Variants in MGAT4D observed in about 807,000 individuals in gnomAD.
MGAT4D encodes the protein alpha-1,3-mannosyl-glycoprotein 4-beta-N-acetylglucosaminyltransferase-like protein MGAT4D.
MGAT4D carries 34 observed loss-of-function variants against 15.9 expected under a neutral mutation model. That is an observed-to-expected ratio of 2.14 (90% CI 1.62 to 2.84). The LOEUF is 2.84. Ranked by LOEUF, MGAT4D falls within the 30% of genes most tolerant of loss-of-function variation. The pLI is 0.00. For synonymous variants in MGAT4D, 112 were observed against 48.2 expected (o/e 2.33, Z -5.49); for missense variants, 327 against 140.2 (o/e 2.33, Z -6.73).
intron 1 of MGAT4D, among the ~76,000 whole-genome samples, chr4:140,493,631 T>C (rs1266842082): frequency 1.3e-5 from 2 of 152,132 alleles, no homozygotes; most frequent in African/African-American, 2.4e-5. Flanking sequence ...TTTATCATAC[T>C]TATGGATGTC....
intron 9 of MGAT4D, among the ~76,000 whole-genome samples, chr4:140,453,164 G>A (rs1201768422): frequency 1.3e-5 from 2 of 152,088 alleles, no homozygotes; most frequent in African/African-American, 4.8e-5. Flanking sequence ...TTTGTAGTAA[G>A]CTTTCAGATT....
chr4:140,458,023 T>C (rs1730919077), intron 8 of MGAT4D: 1 of 152,118 alleles, frequency 6.6e-6, no homozygotes, highest in African/African-American at 2.4e-5. Flanking sequence ...CATATAATAA[T>C]AGATAAAACC....
chr4:140,472,377 G>A lies in MGAT4D; in HGVS notation c.526-556C>T, dbSNP rs184589144. Among the ~76,000 whole-genome samples the A allele has an allele frequency of 5.0e-3, 762 of 152,164 alleles. 4 individuals carry two copies. Among genetic ancestry groups the A allele is most frequent in the Non-Finnish European group, 8.3e-3 (561 of 67,988 alleles). ...AGACTCCTGCAAAAAGCTTTTGATG[G>A]TTTACCCTCTTGGGATAATTTTTAA... On this transcript the variant is annotated intron_variant, in intron 4 of 10. Transcript: ENST00000511113.
chr4:140,476,121 C>T (rs1252997016), intron 3 of MGAT4D, among the ~76,000 whole-genome samples: 1 of 152,074 alleles, frequency 6.6e-6, no homozygotes, highest in African/African-American at 2.4e-5. Flanking sequence ...CACTTATTGG[C>T]TTTTGGCTAT....
chr4:140,463,865 T>A (rs1731355919), intron 6 of MGAT4D, among the ~76,000 whole-genome samples: 1 of 152,080 alleles, frequency 6.6e-6, no homozygotes, highest in Admixed American at 6.5e-5. Flanking sequence ...CTTGATCTCA[T>A]ATGAGAAAAT....
intron 4 of MGAT4D, among the ~76,000 whole-genome samples, chr4:140,473,128 T>G (rs752516411): frequency 1.6e-4 from 24 of 152,126 alleles, no homozygotes; most frequent in Admixed American, 6.5e-5. Flanking sequence ...TTCATTTGTT[T>G]CTATATATTT....
intron 5 of MGAT4D, among the ~76,000 whole-genome samples, chr4:140,470,853 G>A (rs763227740): frequency 6.6e-6 from 1 of 151,410 alleles, no homozygotes; most frequent in South Asian, 2.1e-4. Context: ...TCACCACTAG[G>A]ACAATGCTAG....
At chr4:140,460,441 C>T (rs1192455955) in intron 7 of MGAT4D, among the ~76,000 whole-genome samples, 1 of 152,172 alleles carries the variant, frequency 6.6e-6, no homozygotes, top group Non-Finnish European at 1.5e-5. Flanking sequence ...TATAAGGGCA[C>T]GAATCCCATT....
intron 1 of MGAT4D, among the ~76,000 whole-genome samples, chr4:140,483,688 T>C (rs1732896322): frequency 6.6e-6 from 1 of 152,134 alleles, no homozygotes; most frequent in Non-Finnish European, 1.5e-5. Flanking sequence ...TGGAACAAAA[T>C]AGGGAACCCA....
intron 5 of MGAT4D, 31 bp from the exon 6 acceptor site, chr4:140,465,040 T>C (rs1159273885): frequency 7.4e-6 from 5 of 676,196 alleles, no homozygotes; most frequent in East Asian, 2.7e-5. Context: ...AGACTTATAA[T>C]TGAATATTTA....
At position 140,493,585 on chromosome 4, in the gene MGAT4D, G is replaced by A. The variant is rs554637960; in HGVS notation, c.94+4544C>T. 1.8e-4 allele frequency among the ~76,000 whole-genome samples: 28 copies of A among 152,168 alleles called. No individual in the cohort carries two copies. In the South Asian group the frequency reaches 5.2e-3, roughly 28 times the overall value. ...GCTGAGATTACAGGCATGAGCCACC[G>A]TGCCTGGCCTGTTCCTTTATTTTTT... On this transcript the variant is annotated intron_variant, in intron 1 of 10. Transcript: ENST00000511113.
intron 4 of MGAT4D, among the ~76,000 whole-genome samples, chr4:140,472,712 A>G (rs1254406248): frequency 1.3e-5 from 2 of 152,192 alleles, no homozygotes; most frequent in African/African-American, 2.4e-5. Flanking sequence ...CCATTTAAAA[A>G]TCTTCCTCCA....
At chr4:140,448,364 C>A (rs1008396388) in intron 10 of MGAT4D, among the ~76,000 whole-genome samples, 1 of 152,150 alleles carries the variant, frequency 6.6e-6, no homozygotes, top group Non-Finnish European at 1.5e-5. Context: ...GGCCTGTGTA[C>A]ATAATCTCAT....
intron 3 of MGAT4D, among the ~76,000 whole-genome samples, chr4:140,475,807 CTTTT>C (rs10711919): frequency 1.7e-3 from 182 of 105,404 alleles, no homozygotes; most frequent in African/African-American, 6.1e-3. Flanking sequence ...TATTGGCTTT[CTTTT>C]TTTTTTTTTT....
At chr4:140,449,514 CT>C (rs1392180329) in intron 10 of MGAT4D, among the ~76,000 whole-genome samples, 1 of 152,138 alleles carries the variant, frequency 6.6e-6, no homozygotes, top group Non-Finnish European at 1.5e-5. Flanking sequence ...AATCCCAGTG[CT>C]TTGGGAGGCT....
rs746059849 is a variant in MGAT4D, at chr4:140,459,628, T to TG, written c.763-3dup. The TG allele has an allele frequency of 4.0e-5, 18 of 448,236 alleles. No individual in the cohort carries two copies. Among genetic ancestry groups the TG allele is most frequent in the Non-Finnish European group, 5.9e-5 (15 of 252,182 alleles). 27.8% of individuals were successfully genotyped at this position (448,236 alleles called of 1,614,324 possible). A position where few individuals can be genotyped will look rare whatever the true frequency, so the allele number is the denominator to read the frequency against. On this transcript the variant is annotated splice_region_variant and splice_polypyrimidine_tract_variant and intron_variant, in intron 7 of 10. Coordinates refer to ENST00000511113, the MANE Select transcript of MGAT4D (RefSeq NM_001277353.2). ...TTTAGCTATGATATCATCTTCTAGC[T>TG]GAAAAAAAAAACCCAAAAAGACATT...
At chr4:140,444,944 C>A (rs570271208) in intron 10 of MGAT4D, among the ~76,000 whole-genome samples, 1 of 151,190 alleles carries the variant, frequency 6.6e-6, no homozygotes, top group Non-Finnish European at 1.5e-5. Context: ...TGCAATGGTG[C>A]GATCTTGGCC....
chr4:140,444,376 TC>T (rs1175853319), intron 10 of MGAT4D, among the ~76,000 whole-genome samples: 1 of 152,134 alleles, frequency 6.6e-6, no homozygotes, highest in Non-Finnish European at 1.5e-5. Flanking sequence ...CCTCCTACCA[TC>T]CTCCCTCAAG....
chr4:140,489,947 T>C (rs1560802236), intron 1 of MGAT4D, among the ~76,000 whole-genome samples: 4 of 152,206 alleles, frequency 2.6e-5, no homozygotes, highest in Admixed American at 2.0e-4. Flanking sequence ...GATAAGGCTG[T>C]ACACTCATTT....
Sources: gnomAD v4.1 joint callset for allele counts (sites outside exome capture counted in the v4.1 genomes callset) on GRCh38, gnomAD v4.1.1 for gene constraint, MANE v1.5 for transcripts, NCBI Gene and HGNC (gene_info 2026-07-23, HGNC 2026-07-21) for gene names.